DDC: variants seen among roughly 807,000 people sequenced by gnomAD.
The protein encoded by DDC is dopa decarboxylase.
In DDC, 43 loss-of-function variants were observed where a neutral mutation model predicts 60.0. The observed-to-expected ratio is 0.72, with a 90% CI of 0.56 to 0.92. The LOEUF (loss-of-function observed/expected upper bound fraction) is 0.92, where lower values mean the gene tolerates loss of function less well. Among genes scored for constraint, DDC ranks in the 40% least tolerant of loss-of-function variants. The pLI is 0.00. For synonymous variants in DDC, 232 were observed against 234.6 expected (o/e 0.99, Z 0.10); for missense variants, 573 against 620.2 (o/e 0.92, Z 0.81).
At chr7:50,554,009 C>T (rs1173537292) in intron 1 of DDC, among the ~76,000 whole-genome samples, 2 of 152,218 alleles carry the variant, frequency 1.3e-5, no homozygotes, top group East Asian at 3.8e-4. Context: ...AGAAGCTTTA[C>T]GTGAGCATTT....
chr7:50,514,352 C>G (rs959582406), intron 6 of DDC, among the ~76,000 whole-genome samples: 9 of 152,160 alleles, frequency 5.9e-5, no homozygotes, highest in Non-Finnish European at 8.8e-5. Flanking sequence ...TAGATATTCC[C>G]CCTGACAGAG....
chr7:50,534,961 GC>G lies in DDC; in HGVS notation c.435+2898del, dbSNP rs2044347524. On this transcript the variant is annotated intron_variant, in intron 4 of 14. Transcript: ENST00000444124. Reference sequence around the variant, plus strand: ...CCTCGCTGGAAGGGCACCTGTGACAGCCTATCCTTGCTGTGATCTTGGCCAA... The same window carrying G: ...CCTCGCTGGAAGGGCACCTGTGACAGCTATCCTTGCTGTGATCTTGGCCAA... 3.3e-5 allele frequency among the ~76,000 whole-genome samples: 5 copies of G among 152,174 alleles called. No homozygotes were observed. The South Asian group carries it at 1.0e-3, about 31-fold the overall frequency.
At chr7:50,506,369 G>A (rs976661762) in intron 6 of DDC, among the ~76,000 whole-genome samples, 3 of 152,160 alleles carry the variant, frequency 2.0e-5, no homozygotes, top group African/African-American at 7.2e-5. Flanking sequence ...TGGCAGGAGT[G>A]GGGAGGGATA....
At chr7:50,530,727 G>A (rs959129936) in intron 4 of DDC, among the ~76,000 whole-genome samples, 7 of 152,068 alleles carry the variant, frequency 4.6e-5, no homozygotes, top group Admixed American at 1.3e-4. Context: ...TAAGTAAGTC[G>A]TAGAAGAAAC....
At chr7:50,542,731 A>C (rs2044675003) in intron 2 of DDC, 1 of 152,282 alleles carries the variant, frequency 6.6e-6, no homozygotes, top group African/African-American at 2.4e-5. Context: ...AGCTTAGTGT[A>C]CTTGCACAAT....
intron 6 of DDC, 28 bp downstream of exon 6, chr7:50,528,109 C>G (rs767005576): frequency 1.2e-6 from 2 of 1,611,394 alleles, no homozygotes; most frequent in South Asian, 1.1e-5. Flanking sequence ...CCTTATTGGC[C>G]AGGAGCCACA....
At chr7:50,480,488 C>A (rs1307678244) in intron 9 of DDC, among the ~76,000 whole-genome samples, 1 of 152,192 alleles carries the variant, frequency 6.6e-6, no homozygotes, top group Non-Finnish European at 1.5e-5. Context: ...GTTATGGGAA[C>A]CCCCCTGAGT....
chr7:50,539,790 A>T, intron 3 of DDC, 125 bp downstream of exon 3: 1 of 724,460 alleles, frequency 1.4e-6, no homozygotes, highest in Non-Finnish European at 2.5e-6. Flanking sequence ...TCCCTGCAAC[A>T]GTAGCCCGTC....
intron 6 of DDC, among the ~76,000 whole-genome samples, chr7:50,524,133 G>C (rs2043975270): frequency 6.6e-6 from 1 of 152,194 alleles, no homozygotes; most frequent in South Asian, 2.1e-4. Flanking sequence ...CAGCCAAAAA[G>C]ATTAGTGGCT....
intron 12 of DDC, among the ~76,000 whole-genome samples, chr7:50,469,586 C>A (rs928262999): frequency 2.0e-5 from 3 of 152,212 alleles, no homozygotes; most frequent in Non-Finnish European, 4.4e-5. Context: ...GACCTGATAA[C>A]CTGCAATCTT....
chr7:50,491,395 T>C (rs1024349606), intron 9 of DDC, among the ~76,000 whole-genome samples: 9 of 152,186 alleles, frequency 5.9e-5, no homozygotes, highest in African/African-American at 1.9e-4. Flanking sequence ...CTGCTAAAAA[T>C]GAGCTTTCCT....
intron 9 of DDC, among the ~76,000 whole-genome samples, chr7:50,481,135 G>C (rs2153536480): frequency 6.6e-6 from 1 of 152,330 alleles, no homozygotes; most frequent in African/African-American, 2.4e-5. Context: ...GCACAAAATA[G>C]GATGCTGAGA....
chr7:50,459,910 G>A (rs547489202), intron 14 of DDC, among the ~76,000 whole-genome samples: 2,572 of 137,762 alleles, frequency 0.019, 56 homozygotes, highest in Non-Finnish European at 0.027. Flanking sequence ...CCGGCCAGCC[G>A]CCCCATCCAG....
chr7:50,507,026 C>T (rs1461939994), intron 6 of DDC, among the ~76,000 whole-genome samples: 1 of 152,182 alleles, frequency 6.6e-6, no homozygotes, highest in East Asian at 1.9e-4. Context: ...GTCTAAGACA[C>T]CTGGCTACTC....
intron 2 of DDC, among the ~76,000 whole-genome samples, chr7:50,540,763 G>C (rs1228150624): frequency 6.6e-6 from 1 of 152,216 alleles, no homozygotes; most frequent in Non-Finnish European, 1.5e-5. Flanking sequence ...CAGAGGAAAA[G>C]CTCATGTGGG....
intron 4 of DDC, among the ~76,000 whole-genome samples, chr7:50,535,768 TC>T (rs1426268149): frequency 2.6e-5 from 4 of 152,192 alleles, no homozygotes; most frequent in Non-Finnish European, 5.9e-5. Flanking sequence ...CAGGTCTTGG[TC>T]CCCAGAATCT....
rs77989735 is a variant in DDC at position 50,509,262 on chromosome 7, C to T, written c.715-5203G>A. 2.7e-3 allele frequency among the ~76,000 whole-genome samples: 415 copies of T among 152,308 alleles called. 1 individual carries two copies. The highest frequency in any genetic ancestry group is 9.0e-3 in the African/African-American group (373 of 41,544). On this transcript the variant is annotated intron_variant, in intron 6 of 14. Transcript: ENST00000444124. ...ACCTACAATTGGCCCACATCTGTGG[C>T]TTCTATCAGCAGAATGTTCTGGAAT...
chr7:50,539,884 A>C, intron 3 of DDC, 31 bp downstream of exon 3: 1 of 1,554,214 alleles, frequency 6.4e-7, no homozygotes, highest in Non-Finnish European at 8.9e-7. Context: ...CACAGCCAGG[A>C]CCCCTTCCCG....
At chr7:50,485,230 C>T (rs201627644) in intron 9 of DDC, among the ~76,000 whole-genome samples, 1 of 152,190 alleles carries the variant, frequency 6.6e-6, no homozygotes, top group East Asian at 1.9e-4. Context: ...ATTAAAGAGG[C>T]AATAAGCTCT....
Sources: allele counts gnomAD v4.1 joint callset (sites outside exome capture counted in the v4.1 genomes callset), GRCh38; gene constraint gnomAD v4.1.1; transcripts MANE v1.5; gene names NCBI Gene and HGNC (gene_info 2026-07-23, HGNC 2026-07-21).